Variants in KCNT1 observed in about 807,000 individuals in gnomAD.
KCNT1 encodes potassium channel subfamily T member 1.
In KCNT1, 78 loss-of-function variants were observed where a neutral mutation model predicts 147.8. That is an observed-to-expected ratio of 0.53 (90% CI 0.44 to 0.64). The LOEUF (loss-of-function observed/expected upper bound fraction) is 0.64. Among genes scored for constraint, KCNT1 ranks in the 30% least tolerant of loss-of-function variants. The pLI is 0.00. For missense variants in KCNT1, 1,419 were observed against 1,750.3 expected (o/e 0.81, Z 3.38); for synonymous variants, 867 against 748.8 (o/e 1.16, Z -2.58).
chr9:135,772,929 C>A lies in KCNT1; in HGVS notation c.2223C>A (p.Asp741Glu). The change falls in exon 19 of 31, where the codon GAC (aspartate) becomes GAA (glutamate). Residue 741 changes from aspartate (D) to glutamate (E), a missense_variant. Physicochemically the swap from Asp to Glu is conservative, Grantham distance 45. Transcript: ENST00000371757. Reference sequence around the variant, plus strand: ...AGGATGAGGTGACGCCGTCGGACGACGAGGGGCTCTCCGTGGTAGAGTGAG... The same window carrying A: ...AGGATGAGGTGACGCCGTCGGACGAAGAGGGGCTCTCCGTGGTAGAGTGAG... ...QSEDEVTPSD[D>E]EGLSVVEYVK... is the part of the protein sequence containing the mutation. 6.6e-7 allele frequency: 1 copy of A among 1,516,008 alleles called. No individual in the cohort carries two copies. The highest frequency in any genetic ancestry group is 2.2e-5 in the Admixed American group (1 of 45,600). 93.9% of individuals were successfully genotyped at this position (1,516,008 alleles called of 1,614,324 possible). A position where few individuals can be genotyped will look rare whatever the true frequency, so the allele number is the denominator to read the frequency against.
intron 2 of KCNT1, among the ~76,000 whole-genome samples, chr9:135,722,590 G>A (rs1014573296): frequency 2.6e-5 from 4 of 152,224 alleles, no homozygotes; most frequent in African/African-American, 9.6e-5. Flanking sequence ...CTATGGAAAA[G>A]CACCACAGAC....
In KCNT1 at chr9:135,772,809, C is replaced by T. The variant is rs375289689; in HGVS notation, c.2103C>T (p.Asn701=). 2.8e-5 allele frequency: 43 copies of T among 1,513,648 alleles called. No homozygotes were observed. Among genetic ancestry groups the T allele is most frequent in the East Asian group, 7.5e-5 (3 of 39,826 alleles). The allele number at this position is 1,513,648 out of a possible 1,614,324, so 93.8% of individuals were successfully genotyped here. ...GGSKLALPTE[N]GSGSRRPSIA... ...GCAAGCTGGCACTGCCCACGGAGAACGGCTCGGGCAGCCGGCGGCCCAGCA... is the reference window on the plus strand; with the variant it reads ...GCAAGCTGGCACTGCCCACGGAGAATGGCTCGGGCAGCCGGCGGCCCAGCA... Residue 701 remains asparagine, a synonymous_variant, in exon 19 of 31, where the codon AAC becomes AAT. Coordinates refer to ENST00000371757, the MANE Select transcript of KCNT1 (RefSeq NM_020822.3).
intron 11 of KCNT1, among the ~76,000 whole-genome samples, chr9:135,760,402 ACCT>A (rs1357503630): frequency 1.3e-5 from 2 of 151,918 alleles, no homozygotes; most frequent in Admixed American, 6.6e-5. Context: ...TGCCTCCGAC[ACCT>A]CCTCCAGGCA....
intron 7 of KCNT1, 40 bp from the exon 8 acceptor site, chr9:135,757,116 C>A: frequency 7.4e-7 from 1 of 1,343,520 alleles, no homozygotes; most frequent in Non-Finnish European, 1.1e-6. Context: ...CCCACCCCCA[C>A]CCTCCATCGC....
intron 29 of KCNT1, chr9:135,788,235 T>C: frequency 7.8e-7 from 1 of 1,275,196 alleles, no homozygotes; most frequent in Non-Finnish European, 1.1e-6. Context: ...GCAGCCTTGC[T>C]GCGCCATCCC....
intron 4 of KCNT1, among the ~76,000 whole-genome samples, chr9:135,753,146 TG>T (rs1160487575): frequency 5.3e-5 from 8 of 151,884 alleles, no homozygotes; most frequent in East Asian, 1.9e-4. Context: ...GATGGATGGA[TG>T]AGTGAGTGGA....
At chr9:135,772,664 C>T (rs1370071579) in intron 18 of KCNT1, 51 bp from the exon 19 acceptor site, 12 of 1,319,126 alleles carry the variant, frequency 9.1e-6, no homozygotes, top group Non-Finnish European at 1.1e-5. Flanking sequence ...GAACTCGCCG[C>T]CCATGGAGGG....
At chr9:135,772,691 G>A (rs765881622) in intron 18 of KCNT1, 24 bp from the exon 19 acceptor site, 26 of 1,356,098 alleles carry the variant, frequency 1.9e-5, no homozygotes, top group Non-Finnish European at 2.1e-5. Flanking sequence ...TCGGGCTGTG[G>A]CCAAGCACAG....
In KCNT1 at chr9:135,775,438, G is replaced by A. The variant is rs772426636; in HGVS notation, c.2349+23G>A. On this transcript the variant is annotated intron_variant, in intron 20 of 30. Transcript: ENST00000371757. The stretch of plus-strand genomic sequence containing the variant: ...AAGGTAAGGCTGGCGGCTCTGCCGC[G>A]CTCTGCACCCCCAGACGCCAGCACC... 1.7e-5 allele frequency: 27 copies of A among 1,573,422 alleles called. No homozygotes were observed. The Admixed American group carries it at 2.3e-4, about 13-fold the overall frequency.
chr9:135,771,126 G>GGGCCTGCTCCTTT (rs1832729597), intron 18 of KCNT1, 31 bp downstream of exon 18: 1 of 1,577,506 alleles, frequency 6.3e-7, no homozygotes, highest in Admixed American at 1.7e-5. Flanking sequence ...GGGACTCCCT[G>GGGCCTGCTCCTTT]GGCCTGCTCC....
intron 2 of KCNT1, among the ~76,000 whole-genome samples, chr9:135,738,261 G>A (rs540204687): frequency 5.9e-5 from 9 of 152,302 alleles, no homozygotes; most frequent in East Asian, 3.9e-4. Context: ...CTCATCCCCC[G>A]GCAGCCCCTG....
At chr9:135,763,433 A>G (rs976706032) in intron 11 of KCNT1, among the ~76,000 whole-genome samples, 7 of 152,244 alleles carry the variant, frequency 4.6e-5, no homozygotes, top group African/African-American at 1.7e-4. Flanking sequence ...AGTATCCTCC[A>G]GGCTCTTCGA....
chr9:135,786,542 T>A, intron 29 of KCNT1, 21 bp downstream of exon 29: 1 of 1,562,126 alleles, frequency 6.4e-7, no homozygotes, highest in South Asian at 1.2e-5. Context: ...ACGGCGCGGG[T>A]GGGGGCCGGA....
intron 24 of KCNT1, among the ~76,000 whole-genome samples, chr9:135,782,989 C>T (rs1686447360): frequency 6.6e-6 from 1 of 152,220 alleles, no homozygotes; most frequent in African/African-American, 2.4e-5. Flanking sequence ...CTGTCGCTGT[C>T]GTGTCTTTTA....
intron 19 of KCNT1, among the ~76,000 whole-genome samples, chr9:135,773,840 A>T (rs1588370234): frequency 6.6e-6 from 1 of 152,164 alleles, no homozygotes; most frequent in African/African-American, 2.4e-5. Flanking sequence ...GCCTGGCTGG[A>T]CAAGTATGTG....
chr9:135,770,308 G>C lies in KCNT1; in HGVS notation c.1630G>C (p.Glu544Gln). The part of the protein sequence containing the change: ...VHTSRGQEGQ[E>Q]SPEQWQRMYG... Reference sequence around the variant, plus strand: ...CGCCCTGGCCCACAGGGAGGGACAGGAGTCTCCGGAGCAGTGGCAGCGCAT... The same window carrying C: ...CGCCCTGGCCCACAGGGAGGGACAGCAGTCTCCGGAGCAGTGGCAGCGCAT... Residue 544 changes from glutamate to glutamine, a missense_variant, in exon 17 of 31, where the codon GAG becomes CAG. Physicochemically the swap from Glu to Gln is conservative, Grantham distance 29. Around this residue, in one of 5 missense-constraint regions of KCNT1, gnomAD observed 401 missense variants for 610.6 expected, o/e 0.66. Coordinates refer to ENST00000371757, the MANE Select transcript of KCNT1 (RefSeq NM_020822.3). 6.2e-7 allele frequency: 1 copy of C among 1,602,128 alleles called. No individual in the cohort carries two copies. The highest frequency in any genetic ancestry group is 8.5e-7 in the Non-Finnish European group (1 of 1,173,366).
At chr9:135,724,676 C>T (rs539434703) in intron 2 of KCNT1, among the ~76,000 whole-genome samples, 71 of 152,358 alleles carry the variant, frequency 4.7e-4, no homozygotes, top group Middle Eastern at 3.4e-3. Flanking sequence ...ATATCGGGGA[C>T]GTGCTTATAC....
At chr9:135,787,677 T>A (rs1343979480) in intron 29 of KCNT1, among the ~76,000 whole-genome samples, 3 of 152,124 alleles carry the variant, frequency 2.0e-5, no homozygotes, top group Non-Finnish European at 4.4e-5. Flanking sequence ...TGTGAAGACC[T>A]TTCCCGGCCC....
intron 19 of KCNT1, among the ~76,000 whole-genome samples, chr9:135,774,023 G>C (rs761719263): frequency 2.7e-5 from 4 of 150,916 alleles, no homozygotes; most frequent in Non-Finnish European, 4.5e-5. Flanking sequence ...GTGTGCAAGG[G>C]GGGTGTGTCC....
Sources: gnomAD v4.1 joint callset for allele counts (sites outside exome capture counted in the v4.1 genomes callset) on GRCh38, gnomAD v4.1.1 for gene constraint, gnomAD v4.1.1 regional missense constraint, MANE v1.5 for transcripts, NCBI Gene and HGNC (gene_info 2026-07-23, HGNC 2026-07-21) for gene names.